RNF144B: variants seen among roughly 807,000 people sequenced by gnomAD.
RNF144B encodes the protein ring finger protein 144B.
A neutral mutation model predicts 40.2 loss-of-function variants in RNF144B; 25 were observed. The observed-to-expected ratio is 0.62, with a 90% CI of 0.45 to 0.87. The LOEUF is 0.87. RNF144B is among the 40% of genes least tolerant of loss of function. The pLI is 0.00. For synonymous variants in RNF144B, 145 were observed against 136.3 expected, an observed-to-expected ratio of 1.06 and a Z score of -0.44; for missense variants, 365 against 373.7, an observed-to-expected ratio of 0.98 and a Z score of 0.19.
At chr6:18,461,215 A>C (rs1759445091) in intron 6 of RNF144B, among the ~76,000 whole-genome samples, 1 of 152,176 alleles carries the variant, frequency 6.6e-6, no homozygotes, top group African/African-American at 2.4e-5. Flanking sequence ...AAGAAAATGG[A>C]CATTTTAGAC....
chr6:18,427,097 A>G (rs533051641), intron 2 of RNF144B, among the ~76,000 whole-genome samples: 2 of 152,230 alleles, frequency 1.3e-5, no homozygotes, highest in East Asian at 3.9e-4. Context: ...TATCTTTTCC[A>G]GGTATGTTTG....
chr6:18,436,669 T>C (rs950249007), intron 3 of RNF144B, among the ~76,000 whole-genome samples: 1 of 152,192 alleles, frequency 6.6e-6, no homozygotes, highest in African/African-American at 2.4e-5. Context: ...ATAATCTCTT[T>C]TATTCTCTAG....
chr6:18,420,108 C>T (rs1370354506), intron 2 of RNF144B, among the ~76,000 whole-genome samples: 1 of 151,502 alleles, frequency 6.6e-6, no homozygotes, highest in Non-Finnish European at 1.5e-5. Context: ...CTGAGTATCC[C>T]CTATCTCCTT....
chr6:18,429,009 T>TA (rs1758631420), intron 3 of RNF144B, among the ~76,000 whole-genome samples: 1 of 151,934 alleles, frequency 6.6e-6, no homozygotes, highest in African/African-American at 2.4e-5. Flanking sequence ...CTGGGCAATA[T>TA]AGCAAGACCC....
chr6:18,422,896 G>A lies in RNF144B; in HGVS notation c.166-4685G>A, dbSNP rs1159769785. On this transcript the variant is annotated intron_variant, in intron 2 of 7. Transcript: ENST00000259939. The surrounding 1 kb of genome is among the most constrained non-coding windows in gnomAD (Gnocchi z 4.7). ...CACTGAACCCAGGAGTTTGAGGTTT[G>A]CAATGAGCCATAATTGTGCCACTGC... 4.0e-5 allele frequency among the ~76,000 whole-genome samples: 6 copies of A among 150,594 alleles called. No homozygotes were observed. The highest frequency in any genetic ancestry group is 8.8e-5 in the Non-Finnish European group (6 of 67,862).
chr6:18,427,980 C>T (rs190256132), intron 3 of RNF144B, among the ~76,000 whole-genome samples: 3 of 152,260 alleles, frequency 2.0e-5, no homozygotes, highest in Non-Finnish European at 4.4e-5. Flanking sequence ...TATGATTTGG[C>T]TCTGTGTCCC....
rs11413565 is a variant in RNF144B, at chr6:18,450,304, G to GTT, written c.332-6840_332-6839dup. On this transcript the variant is annotated intron_variant, in intron 4 of 7. Transcript: ENST00000259939. This position sits in a 1 kb window ranked among gnomAD's most constrained non-coding sequence, Gnocchi z 4.7. ...CAACTCTGATTTGTAGTGCTTGCCAGTTTTTTTTTTTTAGATGGAGTCTTG... is the reference window on the plus strand; with the variant it reads ...CAACTCTGATTTGTAGTGCTTGCCAGTTTTTTTTTTTTTTAGATGGAGTCTTG... Among the ~76,000 whole-genome samples the GTT allele has an allele frequency of 0.041, 6,011 of 146,316 alleles. 207 individuals are homozygous for GTT. Among genetic ancestry groups the GTT allele is most frequent in the Admixed American group, 0.11 (1,633 of 14,792 alleles).
rs935717071 is a variant in RNF144B at position 18,464,759 on chromosome 6, C to T, written c.772-168C>T. ...CCTGCCCTCATAAACCAACTAACTT[C>T]TAAAGGCCTCGTCTCCAAATACCGT... On this transcript the variant is annotated intron_variant, in intron 7 of 7. Coordinates refer to ENST00000259939, the MANE Select transcript of RNF144B (RefSeq NM_182757.4). The surrounding 1 kb of genome is among the most constrained non-coding windows in gnomAD (Gnocchi z 6.1). 6.6e-6 allele frequency among the ~76,000 whole-genome samples: 1 copy of T among 152,212 alleles called. No individual in the cohort carries two copies. The highest frequency in any genetic ancestry group is 2.4e-5 in the African/African-American group (1 of 41,458).
At position 18,464,950 on chromosome 6, in the gene RNF144B, G is replaced by A; in HGVS notation, c.795G>A (p.Leu265=). 1 of 1,613,912 alleles carries A rather than the reference G, an allele frequency of 6.2e-7. No homozygotes were observed. The highest frequency in any genetic ancestry group is 8.5e-7 in the Non-Finnish European group (1 of 1,179,906). Reference sequence around the variant, plus strand: ...AGGTGGTGGGGATTCTCGTAGGCTTGGGCATCATTGCCTTGGTTACTTCAC... The same window carrying A: ...AGGTGGTGGGGATTCTCGTAGGCTTAGGCATCATTGCCTTGGTTACTTCAC... ...RTQVVGILVG[L]GIIALVTSPL... is the part of the protein sequence containing the mutation. The change falls in exon 8 of 8, where the codon TTG becomes TTA. Residue 265 remains leucine (L), a synonymous_variant. Coordinates refer to ENST00000259939, the MANE Select transcript of RNF144B (RefSeq NM_182757.4). This position sits in a 1 kb window ranked among gnomAD's most constrained non-coding sequence, Gnocchi z 6.1.
rs71536790 is a variant in RNF144B at position 18,405,150 on chromosome 6, TTTA to T, written c.165+5475_165+5477del. ...CTTGCTTGCAAGGTTAGTTTTTTTC[TTTA>T]TTATTATTATTATTATTATTATTGT... On this transcript the variant is annotated intron_variant, in intron 2 of 7. Transcript: ENST00000259939. The surrounding 1 kb of genome is among the most constrained non-coding windows in gnomAD (Gnocchi z 4.5). Among the ~76,000 whole-genome samples the T allele has an allele frequency of 0.2, 29,851 of 146,154 alleles. 3,374 individuals are homozygous for T. Among genetic ancestry groups the T allele is most frequent in the South Asian group, 0.35 (1,642 of 4,658 alleles).
chr6:18,440,312 C>T (rs954946944), intron 4 of RNF144B, among the ~76,000 whole-genome samples: 2 of 152,120 alleles, frequency 1.3e-5, no homozygotes, highest in Non-Finnish European at 2.9e-5. Flanking sequence ...ATTTTTACTT[C>T]ATTTGGCTTT....
chr6:18,428,747 A>G (rs1222194032), intron 3 of RNF144B, among the ~76,000 whole-genome samples: 1 of 152,136 alleles, frequency 6.6e-6, no homozygotes, highest in Non-Finnish European at 1.5e-5. Flanking sequence ...AATCCTCTCA[A>G]CAGACCTCAT....
chr6:18,451,093 A>G (rs1170241507), intron 4 of RNF144B, among the ~76,000 whole-genome samples: 1 of 152,144 alleles, frequency 6.6e-6, no homozygotes, highest in Non-Finnish European at 1.5e-5. Context: ...CCTCATCAAT[A>G]TTTGTTGATA....
rs1389590574 is a variant in RNF144B at position 18,405,367 on chromosome 6, G to A, written c.165+5668G>A. Among the ~76,000 whole-genome samples, 1 of 151,680 alleles carries A rather than the reference G, an allele frequency of 6.6e-6. No homozygotes were observed. Among genetic ancestry groups the A allele is most frequent in the African/African-American group, 2.4e-5 (1 of 41,274 alleles). On this transcript the variant is annotated intron_variant, in intron 2 of 7. Transcript: ENST00000259939. The surrounding 1 kb of genome is among the most constrained non-coding windows in gnomAD (Gnocchi z 4.5). ...TTTTTTTGTATTTTTAGTTGAGTTG[G>A]GGTTTCACTATGTAGGTCAGGCTGG...
Position 18,434,005 on chromosome 6 carries a change from C to T in RNF144B, c.271-5679C>T, listed in dbSNP as rs502672. Among the ~76,000 whole-genome samples, 146,558 of 152,312 alleles carry T rather than the reference C, an allele frequency of 0.96. 70,766 individuals are homozygous for T. The highest frequency in any genetic ancestry group is 1 in the East Asian group (5,178 of 5,178). On this transcript the variant is annotated intron_variant, in intron 3 of 7. Transcript: ENST00000259939. This position sits in a 1 kb window ranked among gnomAD's most constrained non-coding sequence, Gnocchi z 4.1. Reference sequence around the variant, plus strand: ...CAAACCTTGACAGGTTGTAATGATCCACTTACTAGTGGTCAATTCCATCTC... The same window carrying T: ...CAAACCTTGACAGGTTGTAATGATCTACTTACTAGTGGTCAATTCCATCTC...
rs1323976956 is a variant in RNF144B, at chr6:18,457,843, G to A, written c.536+484G>A. On this transcript the variant is annotated intron_variant, in intron 5 of 7. Coordinates refer to ENST00000259939, the MANE Select transcript of RNF144B (RefSeq NM_182757.4). The surrounding 1 kb of genome is among the most constrained non-coding windows in gnomAD (Gnocchi z 5.1). ...ATTCTTTCAGCACGTAGAAAGGAGG[G>A]TTCTCTCATGATATTTTATGCTCTG... Among the ~76,000 whole-genome samples the A allele has an allele frequency of 5.9e-5, 9 of 152,152 alleles. No individual in the cohort carries two copies.
At chr6:18,423,452 C>T (rs1758481529) in intron 2 of RNF144B, among the ~76,000 whole-genome samples, 3 of 152,200 alleles carry the variant, frequency 2.0e-5, no homozygotes, top group Non-Finnish European at 4.4e-5. Context: ...TCCCTGCCCA[C>T]TCCTGTGATT....
rs1759583558 is a variant in RNF144B at position 18,467,003 on chromosome 6, A to C, written c.*1936A>C. 6.6e-6 allele frequency: 1 copy of C among 150,640 alleles called. No individual in the cohort carries two copies. The highest frequency in any genetic ancestry group is 1.5e-5 in the Non-Finnish European group (1 of 67,314). The allele number at this position is 150,640 out of a possible 1,614,324, so 9.3% of individuals were successfully genotyped here. A position where few individuals can be genotyped will look rare whatever the true frequency, so the allele number is the denominator to read the frequency against. On this transcript the variant is annotated 3_prime_UTR_variant, in exon 8 of 8. Transcript: ENST00000259939. The stretch of plus-strand genomic sequence containing the variant: ...CTTTTGAAACTCTAAACACTTCAGA[A>C]AAAAACACTATCAGTGTAGTTCATG...
chr6:18,453,522 T>TA (rs1166818769), intron 4 of RNF144B, among the ~76,000 whole-genome samples: 1 of 152,160 alleles, frequency 6.6e-6, no homozygotes, highest in Non-Finnish European at 1.5e-5. Flanking sequence ...TTATTTTTTT[T>TA]AAAAAAGCTA....
Sources: allele counts gnomAD v4.1 joint callset (sites outside exome capture counted in the v4.1 genomes callset), GRCh38; gene constraint gnomAD v4.1.1; non-coding constraint Gnocchi (gnomAD v3.1); transcripts MANE v1.5; gene names NCBI Gene and HGNC (gene_info 2026-07-23, HGNC 2026-07-21).